The following ELMO1 variants were observed in gnomAD, a reference collection of about 807,000 sequenced individuals.
The protein encoded by ELMO1 is engulfment and cell motility 1, also known as engulfment and cell motility protein 1.
In ELMO1, 26 loss-of-function variants were observed where a neutral mutation model predicts 98.9. That is an observed-to-expected ratio of 0.26 (90% CI 0.19 to 0.36). The LOEUF (loss-of-function observed/expected upper bound fraction) is 0.36. Ranked by LOEUF, ELMO1 falls within the 10% of genes least tolerant of loss-of-function variation. The probability of loss-of-function intolerance (pLI) is 1.00; values close to 1 mark genes in which losing one functional copy is unlikely to be tolerated. For missense variants in ELMO1, 627 were observed against 935.2 expected (o/e 0.67, Z 4.30); for synonymous variants, 346 against 346.0 (o/e 1.00, Z 0.00).
At chr7:37,160,985 C>A (rs1358711326) in intron 13 of ELMO1, among the ~76,000 whole-genome samples, 1 of 152,100 alleles carries the variant, frequency 6.6e-6, no homozygotes, top group Non-Finnish European at 1.5e-5. Context: ...CTCTCTAAGG[C>A]CACTTCTTCC....
At chr7:36,940,679 T>C (rs1786952496) in intron 16 of ELMO1, among the ~76,000 whole-genome samples, 1 of 152,214 alleles carries the variant, frequency 6.6e-6, no homozygotes, top group South Asian at 2.1e-4. Context: ...ATTAGTTAAT[T>C]GACAACTATT....
At chr7:36,987,102 A>C (rs1331752516) in intron 16 of ELMO1, among the ~76,000 whole-genome samples, 1 of 152,152 alleles carries the variant, frequency 6.6e-6, no homozygotes, top group Non-Finnish European at 1.5e-5. Flanking sequence ...AGATTTTGTA[A>C]GTACGGAGTG....
chr7:37,126,786 T>C (rs1420528075), intron 14 of ELMO1, among the ~76,000 whole-genome samples: 2 of 152,188 alleles, frequency 1.3e-5, no homozygotes, highest in African/African-American at 4.8e-5. Flanking sequence ...AGGCACGTGG[T>C]AGGTGTTTGA....
chr7:36,925,457 G>A (rs926227256), intron 16 of ELMO1, among the ~76,000 whole-genome samples: 20 of 152,086 alleles, frequency 1.3e-4, no homozygotes, highest in Admixed American at 1.2e-3. Context: ...ATTTATGAAA[G>A]GATGCTATTC....
intron 2 of ELMO1, among the ~76,000 whole-genome samples, chr7:37,331,062 C>G (rs1284900822): frequency 1.1e-5 from 1 of 92,512 alleles, no homozygotes; most frequent in Non-Finnish European, 2.1e-5. Context: ...CTGAACAGTG[C>G]ACAATTTAAA....
At chr7:36,910,897 C>T (rs1419802319) in intron 16 of ELMO1, among the ~76,000 whole-genome samples, 2 of 152,160 alleles carry the variant, frequency 1.3e-5, no homozygotes, top group South Asian at 2.1e-4. Context: ...CATCCTTTCA[C>T]CTCTCTGTAT....
chr7:37,393,256 C>G (rs2131427821), intron 1 of ELMO1, among the ~76,000 whole-genome samples: 1 of 152,296 alleles, frequency 6.6e-6, no homozygotes, highest in Non-Finnish European at 1.5e-5. Flanking sequence ...CAGTGGCTCA[C>G]CACCCACTAA....
At chr7:36,898,788 G>A (rs1382449812) in intron 16 of ELMO1, among the ~76,000 whole-genome samples, 1 of 152,214 alleles carries the variant, frequency 6.6e-6, no homozygotes, top group Non-Finnish European at 1.5e-5. Flanking sequence ...CACCTACTCA[G>A]TGCAAGGAAT....
intron 2 of ELMO1, among the ~76,000 whole-genome samples, chr7:37,341,252 G>T (rs1006988710): frequency 2.0e-5 from 3 of 152,190 alleles, no homozygotes; most frequent in African/African-American, 7.2e-5. Context: ...ACACGTGTGT[G>T]AGACCAACTT....
At chr7:37,440,647 T>C (rs1805375405) in intron 1 of ELMO1, among the ~76,000 whole-genome samples, 1 of 151,576 alleles carries the variant, frequency 6.6e-6, no homozygotes, top group East Asian at 1.9e-4. Flanking sequence ...TGGGCATCTG[T>C]AATCTCAGTT....
At chr7:37,269,077 T>C (rs953183476) in intron 5 of ELMO1, among the ~76,000 whole-genome samples, 2 of 152,274 alleles carry the variant, frequency 1.3e-5, no homozygotes, top group African/African-American at 2.4e-5. Flanking sequence ...GGTACTCTAA[T>C]AGGTGTTGTT....
chr7:36,862,644 C>T (rs1802725740), intron 20 of ELMO1, among the ~76,000 whole-genome samples: 1 of 152,214 alleles, frequency 6.6e-6, no homozygotes, highest in East Asian at 1.9e-4. Context: ...ATCCTGAGGA[C>T]TCCTAGTCTG....
chr7:37,291,474 T>C (rs149941263), intron 4 of ELMO1, among the ~76,000 whole-genome samples: 616 of 152,254 alleles, frequency 4.0e-3, no homozygotes, highest in Non-Finnish European at 6.5e-3. Context: ...CCACAACATA[T>C]AAACAACTCC....
At chr7:37,070,140 G>C (rs1029006057) in intron 15 of ELMO1, among the ~76,000 whole-genome samples, 2 of 152,130 alleles carry the variant, frequency 1.3e-5, no homozygotes, top group African/African-American at 4.8e-5. Flanking sequence ...ATTTCTCTAG[G>C]GGGTAAGGAG....
chr7:37,354,995 G>T (rs930887677), intron 1 of ELMO1, among the ~76,000 whole-genome samples: 4 of 152,208 alleles, frequency 2.6e-5, no homozygotes, highest in Non-Finnish European at 4.4e-5. Context: ...CCTCCACTGG[G>T]TTTCACCTGA....
intron 13 of ELMO1, among the ~76,000 whole-genome samples, chr7:37,171,001 T>G (rs750527431): frequency 2.6e-5 from 4 of 152,180 alleles, no homozygotes; most frequent in Admixed American, 6.5e-5. Context: ...ATTTCACCAA[T>G]ATTCTTTATA....
intron 13 of ELMO1, among the ~76,000 whole-genome samples, chr7:37,175,649 C>A (rs1233683659): frequency 6.6e-6 from 1 of 152,162 alleles, no homozygotes; most frequent in Non-Finnish European, 1.5e-5. Flanking sequence ...AGTTCGAGAC[C>A]AGCCTGGGAA....
chr7:37,221,010 G>C (rs1793565125), intron 10 of ELMO1, among the ~76,000 whole-genome samples: 1 of 152,120 alleles, frequency 6.6e-6, no homozygotes, highest in Admixed American at 6.5e-5. Context: ...GGCTGCTTGG[G>C]AGTTATGAGT....
intron 16 of ELMO1, among the ~76,000 whole-genome samples, chr7:37,011,840 T>C (rs1442896482): frequency 1.3e-5 from 2 of 152,218 alleles, no homozygotes; most frequent in Admixed American, 6.5e-5. Flanking sequence ...AAGGCCTCCC[T>C]GCTCCTCCTT....
Sources: allele counts gnomAD v4.1 joint callset (sites outside exome capture counted in the v4.1 genomes callset), GRCh38; gene constraint gnomAD v4.1.1; transcripts MANE v1.5; gene names NCBI Gene and HGNC (gene_info 2026-07-23, HGNC 2026-07-21).